Variants in ENOX2 observed in about 807,000 individuals in gnomAD.
The protein encoded by ENOX2 is ecto-NOX disulfide-thiol exchanger 2.
A neutral mutation model predicts 45.0 loss-of-function variants in ENOX2; 36 were observed. The ratio of observed to expected loss-of-function variants is 0.80; its 90% CI spans 0.61 to 1.06. The LOEUF is 1.06. ENOX2 is among the 50% of genes least tolerant of loss of function. The pLI is 0.00. For missense variants in ENOX2, 423 were observed against 462.5 expected (o/e 0.91, Z 0.78); for synonymous variants, 174 against 152.3 (o/e 1.14, Z -1.05).
chrX:130,893,177 T>G (rs766932841), intron 2 of ENOX2, among the ~76,000 whole-genome samples: 4 of 112,417 alleles, frequency 3.6e-5, no homozygotes, highest in Non-Finnish European at 7.5e-5. Flanking sequence ...ATATGATGCT[T>G]GCAATTTTTC....
chrX:130,840,869 A>AAAAC (rs1356653605), intron 2 of ENOX2, among the ~76,000 whole-genome samples: 1 of 111,769 alleles, frequency 8.9e-6, no homozygotes, highest in African/African-American at 3.3e-5. Flanking sequence ...CCCATCTCAA[A>AAAAC]AAACAAACAA....
chrX:130,757,480 GT>G (rs1353028008), intron 3 of ENOX2, among the ~76,000 whole-genome samples: 1 of 111,589 alleles, frequency 9.0e-6, no homozygotes, highest in Non-Finnish European at 1.9e-5. Context: ...TAAAATCTTT[GT>G]GCTTTAAGAT....
intron 2 of ENOX2, among the ~76,000 whole-genome samples, chrX:130,874,852 C>T (rs752327930): frequency 1.6e-4 from 18 of 109,703 alleles, no homozygotes; most frequent in Middle Eastern, 4.7e-3. Context: ...CACATGCATG[C>T]CCCCCCCGAC....
intron 3 of ENOX2, among the ~76,000 whole-genome samples, chrX:130,758,707 T>C: frequency 8.9e-6 from 1 of 111,946 alleles, no homozygotes; most frequent in East Asian, 2.8e-4. Context: ...AGTGATCTAG[T>C]TTCTCTGAAT....
intron 9 of ENOX2, among the ~76,000 whole-genome samples, chrX:130,664,664 C>T (rs991652729): frequency 8.0e-5 from 9 of 112,296 alleles, no homozygotes; most frequent in Non-Finnish European, 1.5e-4. Context: ...GAATAACTTG[C>T]TCAGTCACAC....
chrX:130,762,424 A>T (rs1365186657), intron 3 of ENOX2, among the ~76,000 whole-genome samples: 2 of 111,869 alleles, frequency 1.8e-5, no homozygotes, highest in African/African-American at 3.3e-5. Context: ...ACAAAAAAAA[A>T]TTTAAAAATT....
chrX:130,702,273 A>T (rs2037918587), intron 4 of ENOX2, among the ~76,000 whole-genome samples: 1 of 111,436 alleles, frequency 9.0e-6, no homozygotes. Context: ...GCAGCTTCTG[A>T]TTCAGTAGGT....
At chrX:130,821,413 C>T (rs948820113) in intron 2 of ENOX2, among the ~76,000 whole-genome samples, 4 of 91,896 alleles carry the variant, frequency 4.4e-5, no homozygotes, top group African/African-American at 8.0e-5. Flanking sequence ...AAATTGGAAA[C>T]CATCATTCTC....
chrX:130,641,134 C>G (rs2036069489), intron 10 of ENOX2, among the ~76,000 whole-genome samples: 1 of 111,347 alleles, frequency 9.0e-6, no homozygotes, highest in Non-Finnish European at 1.9e-5. Context: ...GAACACGAGA[C>G]AGGATAAATG....
At chrX:130,641,927 G>A (rs1332913681) in intron 10 of ENOX2, among the ~76,000 whole-genome samples, 2 of 111,275 alleles carry the variant, frequency 1.8e-5, no homozygotes. Context: ...AGTCACCCAA[G>A]AATATTGATG....
intron 3 of ENOX2, among the ~76,000 whole-genome samples, chrX:130,719,881 A>T (rs1300655015): frequency 8.9e-6 from 1 of 112,367 alleles, no homozygotes; most frequent in Non-Finnish European, 1.9e-5. Flanking sequence ...TATCTTTAAA[A>T]AGAATAAAAA....
chrX:130,816,804 G>A (rs2077494581), intron 2 of ENOX2, among the ~76,000 whole-genome samples: 1 of 111,896 alleles, frequency 8.9e-6, no homozygotes, highest in Non-Finnish European at 1.9e-5. Flanking sequence ...ACCCACAGGA[G>A]AAAGTGGGAA....
rs916428094 is a variant in ENOX2 at position 130,744,695 on chromosome X, C to T, written c.-39+38852G>A. 6.3e-5 allele frequency among the ~76,000 whole-genome samples: 7 copies of T among 111,697 alleles called. No individual in the cohort carries two copies. In the East Asian group the frequency reaches 1.9e-3, roughly 31 times the overall value. ...ACTGGATTACAGGATGATTCTCTGG[C>T]TCTCTGTGGAGTATAAACATAAGAA... On this transcript the variant is annotated intron_variant, in intron 3 of 14. Transcript: ENST00000394363.
chrX:130,719,583 C>T (rs1339961225), intron 3 of ENOX2, among the ~76,000 whole-genome samples: 3 of 112,221 alleles, frequency 2.7e-5, no homozygotes, highest in East Asian at 5.6e-4. Flanking sequence ...AGGCAAACCC[C>T]ACATGGCCTC....
chrX:130,629,700 A>G (rs1465176986), intron 13 of ENOX2, among the ~76,000 whole-genome samples: 1 of 112,337 alleles, frequency 8.9e-6, no homozygotes, highest in Non-Finnish European at 1.9e-5. Context: ...GAGATATCTT[A>G]AAAATATGCA....
At chrX:130,728,166 C>T (rs1425754116) in intron 3 of ENOX2, among the ~76,000 whole-genome samples, 3 of 111,158 alleles carry the variant, frequency 2.7e-5, no homozygotes, top group Non-Finnish European at 5.7e-5. Context: ...TTCCCCAGGG[C>T]CCAGTTCCCA....
chrX:130,823,363 G>A (rs751114460), intron 2 of ENOX2, among the ~76,000 whole-genome samples: 2 of 111,378 alleles, frequency 1.8e-5, no homozygotes, highest in African/African-American at 3.3e-5. Context: ...GATTCGAGCC[G>A]AGAATACCAG....
At chrX:130,692,489 C>T (rs766359957) in intron 4 of ENOX2, among the ~76,000 whole-genome samples, 16 of 112,475 alleles carry the variant, frequency 1.4e-4, no homozygotes, top group Non-Finnish European at 2.1e-4. Flanking sequence ...TTTATCGTCT[C>T]TTCTAACACC....
intron 3 of ENOX2, among the ~76,000 whole-genome samples, chrX:130,772,578 A>C (rs1269402665): frequency 8.9e-6 from 1 of 112,012 alleles, no homozygotes; most frequent in Non-Finnish European, 1.9e-5. Flanking sequence ...AAGCCTGGTC[A>C]CTGTGGTTTG....
Sources: gnomAD v4.1 joint callset for allele counts (sites outside exome capture counted in the v4.1 genomes callset) on GRCh38, gnomAD v4.1.1 for gene constraint, MANE v1.5 for transcripts, NCBI Gene and HGNC (gene_info 2026-07-23, HGNC 2026-07-21) for gene names.